The following COL1A2 variants were observed in gnomAD, a reference collection of about 807,000 sequenced individuals.
COL1A2 encodes the protein collagen type I alpha 2 chain.
In COL1A2, 49 loss-of-function variants were observed where a neutral mutation model predicts 174.3. The observed-to-expected ratio is 0.28, with a 90% CI of 0.22 to 0.36. The LOEUF (loss-of-function observed/expected upper bound fraction) is 0.36. Among genes scored for constraint, COL1A2 ranks in the 10% least tolerant of loss-of-function variants. The pLI is 1.00. For missense variants in COL1A2, 1,438 were observed against 1,822.7 expected, an observed-to-expected ratio of 0.79 and a Z score of 3.84; for synonymous variants, 655 against 606.6, an observed-to-expected ratio of 1.08 and a Z score of -1.17.
Position 94,426,489 on chromosome 7 carries a change from T to C in COL1A2, c.3064T>C (p.Leu1022=). The C allele has an allele frequency of 1.2e-6, 2 of 1,607,412 alleles. No homozygotes were observed. The highest frequency in any genetic ancestry group is 2.3e-5 in the South Asian group (2 of 88,874). Residue 1022 remains leucine, a synonymous_variant, in exon 46 of 52, where the codon TTA becomes CTA. Coordinates refer to ENST00000297268, the MANE Select transcript of COL1A2 (RefSeq NM_000089.4). ...GEKGPRGLPG[L]KGHNGLQGLP... Reference sequence around the variant, plus strand: ...AAAGGGGCCCAGAGGTCTTCCTGGCTTAAAGGGACACAATGGATTGCAAGG... The same window carrying C: ...AAAGGGGCCCAGAGGTCTTCCTGGCCTAAAGGGACACAATGGATTGCAAGG...
At position 94,428,487 on chromosome 7, in the gene COL1A2, C is replaced by A. The variant is rs377171182; in HGVS notation, c.3711+10C>A. ...CAATGCTGGCAGCCAGGTGAGGAAT[C>A]CCACAAACACCTCTCCTTCTGCTAA... On this transcript the variant is annotated intron_variant, in intron 50 of 51. Transcript: ENST00000297268. 6 of 1,608,484 alleles carry A rather than the reference C, an allele frequency of 3.7e-6. No homozygotes were observed. In the African/African-American group the frequency reaches 5.3e-5, roughly 14 times the overall value.
intron 1 of COL1A2, among the ~76,000 whole-genome samples, chr7:94,395,850 A>T (rs897413725): frequency 6.6e-6 from 1 of 152,148 alleles, no homozygotes; most frequent in Admixed American, 6.5e-5. Context: ...TAGTCATGGA[A>T]ATGGTAACAT....
Position 94,395,003 on chromosome 7 carries a change from CA to C in COL1A2, c.-27del. 1.2e-6 allele frequency: 2 copies of C among 1,608,930 alleles called. No individual in the cohort carries two copies. The highest frequency in any genetic ancestry group is 1.7e-6 in the Non-Finnish European group (2 of 1,176,488). On this transcript the variant is annotated 5_prime_UTR_variant, in exon 1 of 52. Coordinates refer to ENST00000297268, the MANE Select transcript of COL1A2 (RefSeq NM_000089.4). ...CCGGTGACCCAGGGGCTCTGCGACACAAGGAGTCTGCATGTCTAAGTGCTAG... is the reference window on the plus strand; with the variant it reads ...CCGGTGACCCAGGGGCTCTGCGACACAGGAGTCTGCATGTCTAAGTGCTAG...
At chr7:94,396,843 C>T (rs1490684189) in intron 1 of COL1A2, among the ~76,000 whole-genome samples, 8 of 152,066 alleles carry the variant, frequency 5.3e-5, no homozygotes, top group Non-Finnish European at 1.2e-4. Flanking sequence ...ACTTCTTGGC[C>T]ACCTAATTAA....
chr7:94,397,382 T>A (rs918926981), intron 1 of COL1A2, among the ~76,000 whole-genome samples: 1 of 152,158 alleles, frequency 6.6e-6, no homozygotes, highest in Non-Finnish European at 1.5e-5. Flanking sequence ...AATTATTTCC[T>A]CATCAATCTA....
intron 23 of COL1A2, 73 bp from the exon 24 acceptor site, chr7:94,411,995 G>C: frequency 7.6e-7 from 1 of 1,307,310 alleles, no homozygotes; most frequent in Non-Finnish European, 1.1e-6. Context: ...GCCTTTGTTA[G>C]ACTTCAGTTA....
chr7:94,394,902 C>A lies in COL1A2; in HGVS notation c.-130C>A. 5.2e-6 allele frequency: 4 copies of A among 768,606 alleles called. No individual in the cohort carries two copies. The highest frequency in any genetic ancestry group is 2.8e-5 in the South Asian group (2 of 72,598). 47.6% of individuals were successfully genotyped at this position (768,606 alleles called of 1,614,324 possible). A position where few individuals can be genotyped will look rare whatever the true frequency, so the allele number is the denominator to read the frequency against. ...TCCGGGCTTTATTATTTTAGCACCA[C>A]GGCAGCAGGAGGTTTCGGCTAAGTT... On this transcript the variant is annotated 5_prime_UTR_variant, in exon 1 of 52. Coordinates refer to ENST00000297268, the MANE Select transcript of COL1A2 (RefSeq NM_000089.4).
intron 50 of COL1A2, 25 bp downstream of exon 50, chr7:94,428,502 CCTT>C: frequency 1.3e-6 from 2 of 1,595,278 alleles, no homozygotes; most frequent in Non-Finnish European, 8.6e-7. Flanking sequence ...AAACACCTCT[CCTT>C]CTGCTAAATA....
rs764404502 is a variant in COL1A2, at chr7:94,419,454, A to T, written c.2026-44A>T. ...AGAATGACAAGGTTCACTTTTGATG[A>T]TACGGGGTGTTATTAATAAGACATG... is the stretch of plus-strand genomic sequence containing the variant. On this transcript the variant is annotated intron_variant, in intron 33 of 51. Transcript: ENST00000297268. The T allele has an allele frequency of 3.1e-6, 5 of 1,600,088 alleles. No individual in the cohort carries two copies. The Admixed American group carries it at 5.0e-5, about 16-fold the overall frequency.
intron 31 of COL1A2, chr7:94,417,486 G>C (rs1367528806): frequency 3.8e-6 from 2 of 524,004 alleles, no homozygotes; most frequent in African/African-American, 3.8e-5. Context: ...GACTGAAGCA[G>C]GTTATAGAGG....
chr7:94,414,919 T>C (rs369626192), intron 29 of COL1A2, among the ~76,000 whole-genome samples: 2 of 152,202 alleles, frequency 1.3e-5, no homozygotes, highest in Non-Finnish European at 2.9e-5. Flanking sequence ...ATGTCTAATA[T>C]TCATTATTAT....
intron 51 of COL1A2, chr7:94,429,692 A>T (rs1792360777): frequency 4.9e-6 from 2 of 404,320 alleles, no homozygotes; most frequent in Admixed American, 8.4e-5. Context: ...AATGTATACT[A>T]TGTCCATGCA....
At chr7:94,403,026 T>C (rs1207679617) in intron 6 of COL1A2, among the ~76,000 whole-genome samples, 4 of 152,132 alleles carry the variant, frequency 2.6e-5, no homozygotes, top group Admixed American at 1.3e-4. Flanking sequence ...TTGTTTATAT[T>C]GGATTTTTGA....
chr7:94,394,980 G>A lies in COL1A2; in HGVS notation c.-52G>A. The A allele has an allele frequency of 1.3e-6, 2 of 1,554,424 alleles. No homozygotes were observed. The highest frequency in any genetic ancestry group is 8.9e-7 in the Non-Finnish European group (1 of 1,127,418). On this transcript the variant is annotated 5_prime_UTR_variant, in exon 1 of 52. Transcript: ENST00000297268. ...GCGCCCGCCAGGTGATACCTCCGCC[G>A]GTGACCCAGGGGCTCTGCGACACAA...
At chr7:94,417,871 A>G in intron 32 of COL1A2, 40 bp downstream of exon 32, 4 of 1,503,874 alleles carry the variant, frequency 2.7e-6, no homozygotes, top group Middle Eastern at 3.5e-4. Flanking sequence ...GATGAACTCT[A>G]GTAAAGAAGG....
At chr7:94,396,213 TG>T (rs1301837586) in intron 1 of COL1A2, among the ~76,000 whole-genome samples, 1 of 152,052 alleles carries the variant, frequency 6.6e-6, no homozygotes, top group Non-Finnish European at 1.5e-5. Context: ...ATTGACTAGA[TG>T]GGGGATGGTA....
At position 94,429,509 on chromosome 7, in the gene COL1A2, G is replaced by T. The variant is rs1009253556; in HGVS notation, c.3954+79G>T. ...CTAACTTAGACTGCCCCCAAGGGGG[G>T]GTCTAAAGGGGGGTTAAAAGAACAG... is the stretch of plus-strand genomic sequence containing the variant. On this transcript the variant is annotated intron_variant, in intron 51 of 51. Coordinates refer to ENST00000297268, the MANE Select transcript of COL1A2 (RefSeq NM_000089.4). 4.7e-6 allele frequency: 7 copies of T among 1,504,620 alleles called. No individual in the cohort carries two copies. In the Admixed American group the frequency reaches 5.1e-5, roughly 11 times the overall value. The allele number at this position is 1,504,620 out of a possible 1,614,324, so 93.2% of individuals were successfully genotyped here.
rs1162848419 is a variant in COL1A2 at position 94,422,953 on chromosome 7, A to G, written c.2404-4A>G. 13 of 1,614,114 alleles carry G rather than the reference A, an allele frequency of 8.1e-6. No homozygotes were observed. Among genetic ancestry groups the G allele is most frequent in the Non-Finnish European group, 1.1e-5 (13 of 1,179,992 alleles). On this transcript the variant is annotated splice_polypyrimidine_tract_variant and splice_region_variant and intron_variant, in intron 39 of 51. Coordinates refer to ENST00000297268, the MANE Select transcript of COL1A2 (RefSeq NM_000089.4). ...AGGAAATGACCTTGTACATTTGCTC[A>G]TAGGGTATTTCTGGCCCTCCTGGTC...
chr7:94,425,610 G>A lies in COL1A2; in HGVS notation c.2782G>A (p.Gly928Ser). The A allele has an allele frequency of 6.2e-7, 1 of 1,613,880 alleles. No individual in the cohort carries two copies. The highest frequency in any genetic ancestry group is 8.5e-7 in the Non-Finnish European group (1 of 1,179,896). ...CTTAATTTGTGTGGTGTCTTCACAG[G>A]GCAACCCTGGGAACGATGGTCCCCC... is the stretch of plus-strand genomic sequence containing the variant. ...NGAPGEAGRD[G>S]NPGNDGPPGR... The change falls in exon 43 of 52, where the codon GGC (glycine) becomes AGC (serine). Residue 928 changes from glycine (G) to serine (S), a missense_variant and splice_region_variant. Gly to Ser is a moderately conservative substitution (Grantham distance 56). Coordinates refer to ENST00000297268, the MANE Select transcript of COL1A2 (RefSeq NM_000089.4).
Sources: gnomAD v4.1 joint callset for allele counts (sites outside exome capture counted in the v4.1 genomes callset) on GRCh38, gnomAD v4.1.1 for gene constraint, MANE v1.5 for transcripts, NCBI Gene and HGNC (gene_info 2026-07-23, HGNC 2026-07-21) for gene names.